Variants in ENOSF1 observed in about 807,000 individuals in gnomAD.
ENOSF1 encodes mitochondrial enolase superfamily member 1.
In ENOSF1, 73 loss-of-function variants were observed where a neutral mutation model predicts 68.2. The observed-to-expected ratio is 1.07, with a 90% confidence interval of 0.89 to 1.30. ENOSF1 has a LOEUF of 1.30. ENOSF1 is among the 50% of genes most tolerant of loss of function. The pLI is 0.00. For missense variants in ENOSF1, 589 were observed against 554.5 expected (o/e 1.06, Z -0.62); for synonymous variants, 223 against 210.4 (o/e 1.06, Z -0.52).
intron 2 of ENOSF1, among the ~76,000 whole-genome samples, chr18:702,980 G>C (rs2078527557): frequency 6.6e-6 from 1 of 152,106 alleles, no homozygotes; most frequent in Admixed American, 6.6e-5. Flanking sequence ...AGAAGAACCA[G>C]GATGAGCTAA....
At chr18:667,493 T>A (rs375110922), downstream of ENOSF1, among the ~76,000 whole-genome samples, 3 of 32,792 alleles carry the variant, frequency 9.1e-5, no homozygotes, top group Admixed American at 4.4e-4. Context: ...ATGGTGATGG[T>A]GATGGAGATG....
chr18:709,072 G>A (rs186734812), intron 1 of ENOSF1, among the ~76,000 whole-genome samples: 61 of 152,320 alleles, frequency 4.0e-4, no homozygotes, highest in African/African-American at 1.4e-3. Flanking sequence ...GGAGGGAGGG[G>A]CGGCAGAGAA....
At chr18:679,246 G>A (rs1046468376) in intron 11 of ENOSF1, among the ~76,000 whole-genome samples, 16 of 130,036 alleles carry the variant, frequency 1.2e-4, no homozygotes, top group African/African-American at 4.5e-4. Flanking sequence ...GTCTTGCTCT[G>A]TCACCCAAGC....
intron 2 of ENOSF1, 72 bp from the exon 3 acceptor site, chr18:697,427 C>G: frequency 2.7e-6 from 3 of 1,121,096 alleles, no homozygotes; most frequent in Non-Finnish European, 4.0e-6. Flanking sequence ...GAAAACATCA[C>G]AAACAAACAA....
downstream of ENOSF1, among the ~76,000 whole-genome samples, chr18:666,042 A>G (rs549224680): frequency 2.0e-5 from 2 of 98,096 alleles, no homozygotes; most frequent in Admixed American, 1.7e-4. Flanking sequence ...CGCTTAGTGC[A>G]GAGCTGAGTT....
intron 6 of ENOSF1, 31 bp downstream of exon 6, chr18:691,173 G>A (rs2612087): frequency 0.58 from 931,413 of 1,612,764 alleles, 271,809 homozygotes; most frequent in African/African-American, 0.8. Flanking sequence ...GTGTGTGCAC[G>A]TCGTGTATCC....
Position 677,782 on chromosome 18 carries a change from C to T in ENOSF1, c.1009G>A (p.Glu337Lys). ...IDSCRLGSVNENLSVLLMAKK... is the reference protein window; with the variant it reads ...IDSCRLGSVNKNLSVLLMAKK... The stretch of plus-strand genomic sequence containing the variant: ...GCCATCAGCAATACTGAGAGGTTCT[C>T]ATTGACACTGCCCAGTCTGCAACTG... Residue 337 changes from glutamate to lysine, a missense_variant, in exon 13 of 16, where the codon GAG becomes AAG. Transcript: ENST00000647584. 3 of 1,614,158 alleles carry T rather than the reference C, an allele frequency of 1.9e-6. No individual in the cohort carries two copies. Among genetic ancestry groups the T allele is most frequent in the Non-Finnish European group, 2.5e-6 (3 of 1,180,026 alleles).
chr18:693,817 G>A, intron 5 of ENOSF1, 65 bp downstream of exon 5: 1 of 1,607,714 alleles, frequency 6.2e-7, no homozygotes, highest in Non-Finnish European at 8.5e-7. Flanking sequence ...ATCATCAAAA[G>A]GCATGTCATC....
At chr18:691,356 T>C (rs769904493) in intron 5 of ENOSF1, 80 bp from the exon 6 acceptor site, 49 of 1,195,308 alleles carry the variant, frequency 4.1e-5, no homozygotes, top group Non-Finnish European at 5.0e-5. Flanking sequence ...TTTATTATTC[T>C]TTTTTTAGAG....
rs1380510028 is a variant in ENOSF1, at chr18:688,569, C to T, written c.653+5G>A. 1 of 1,613,988 alleles carries T rather than the reference C, an allele frequency of 6.2e-7. No individual in the cohort carries two copies. Among genetic ancestry groups the T allele is most frequent in the Admixed American group, 1.7e-5 (1 of 60,014 alleles). The stretch of plus-strand genomic sequence containing the variant: ...TGGGAAAGTCAGGTCCATCATCACA[C>T]TCACCTGGTCCAGCCATCCTTCAGC... On this transcript the variant is annotated splice_donor_5th_base_variant and intron_variant, in intron 9 of 15. Coordinates refer to ENST00000647584, the MANE Select transcript of ENOSF1 (RefSeq NM_017512.7).
intron 1 of ENOSF1, among the ~76,000 whole-genome samples, chr18:711,773 A>T (rs1273831633): frequency 6.6e-6 from 1 of 152,214 alleles, no homozygotes; most frequent in Non-Finnish European, 1.5e-5. Flanking sequence ...CATTTGCATC[A>T]GTCCTTTCTA....
intron 9 of ENOSF1, chr18:688,139 T>C (rs2847615): frequency 0.19 from 29,230 of 156,422 alleles, 3,290 homozygotes; most frequent in Admixed American, 0.26. Context: ...TGCACTCCAG[T>C]CTGGGTGACG....
rs768807439 is a variant in ENOSF1 at position 677,525 on chromosome 18, T to G, written c.1049-81A>C. ...TGAAAGGGAACTTTCTGGTTTTTCT[T>G]ATTGCCCACAGGTGATTAAATCATT... On this transcript the variant is annotated intron_variant, in intron 13 of 15. Transcript: ENST00000647584. 3.3e-4 allele frequency: 442 copies of G among 1,326,512 alleles called. 2 individuals carry two copies. The highest frequency in any genetic ancestry group is 3.8e-4 in the Admixed American group (17 of 45,186). 82.2% of individuals were successfully genotyped at this position (1,326,512 alleles called of 1,614,324 possible).
At chr18:694,659 T>C in intron 3 of ENOSF1, among the ~76,000 whole-genome samples, 1 of 150,652 alleles carries the variant, frequency 6.6e-6, no homozygotes, top group Non-Finnish European at 1.5e-5. Context: ...GAGAGAAAGA[T>C]ATTTAGGTCT....
the ENOSF1 span, among the ~76,000 whole-genome samples, chr18:665,106 T>C: frequency 2.0e-5 from 3 of 151,320 alleles, no homozygotes; most frequent in Non-Finnish European, 3.0e-5. Context: ...CCAGTTCCTC[T>C]TTGTACCTCT....
At chr18:687,806 C>T (rs946059845) in intron 9 of ENOSF1, 1 of 152,748 alleles carries the variant, frequency 6.5e-6, no homozygotes, top group Non-Finnish European at 1.5e-5. Context: ...GGAAGAGGAA[C>T]AGCCTGGCTC....
intron 10 of ENOSF1, among the ~76,000 whole-genome samples, chr18:684,036 A>C (rs1231623800): frequency 1.4e-4 from 21 of 149,994 alleles, no homozygotes; most frequent in South Asian, 4.3e-4. Context: ...CTCTGTCACC[A>C]AGGCTGGAGT....
downstream of ENOSF1, among the ~76,000 whole-genome samples, chr18:670,130 A>T (rs35914751): frequency 1.1e-4 from 17 of 148,908 alleles, no homozygotes; most frequent in Non-Finnish European, 1.9e-4. Context: ...GGCAACCTCC[A>T]TCTCCCAGGT....
intron 2 of ENOSF1, among the ~76,000 whole-genome samples, chr18:702,004 C>T (rs1187021645): frequency 6.6e-6 from 1 of 151,908 alleles, no homozygotes; most frequent in East Asian, 1.9e-4. Context: ...TAGCTTATGC[C>T]TGCAATCCCG....
Sources: allele counts gnomAD v4.1 joint callset (sites outside exome capture counted in the v4.1 genomes callset), GRCh38; gene constraint gnomAD v4.1.1; transcripts MANE v1.5; gene names NCBI Gene and HGNC (gene_info 2026-07-23, HGNC 2026-07-21).